PELO: variants seen among roughly 807,000 people sequenced by gnomAD.
The protein encoded by PELO is protein pelota homolog.
PELO carries 19 observed loss-of-function variants against 25.9 expected under a neutral mutation model. The ratio of observed to expected loss-of-function variants is 0.73; its 90% confidence interval spans 0.51 to 1.08. The LOEUF is 1.08. PELO is among the 50% of genes least tolerant of loss of function. PELO has a pLI of 0.00. For synonymous variants in PELO, 196 were observed against 192.2 expected (o/e 1.02, Z -0.16); for missense variants, 498 against 491.4 (o/e 1.01, Z -0.13).
chr5:52,799,981 C>T lies in PELO; in HGVS notation c.-414C>T. ...CACCTTCTTGAGGGAGTTCATTCGT[C>T]CGGAGCGCCTCACAGCTTAGTGCGC... is the stretch of plus-strand genomic sequence containing the variant. On this transcript the variant is annotated 5_prime_UTR_variant, in exon 2 of 3. Transcript: ENST00000274311. 1 of 236,740 alleles carries T rather than the reference C, an allele frequency of 4.2e-6. No individual in the cohort carries two copies. The highest frequency in any genetic ancestry group is 8.5e-6 in the Non-Finnish European group (1 of 117,758). 14.7% of individuals were successfully genotyped at this position (236,740 alleles called of 1,614,324 possible). A position where few individuals can be genotyped will look rare whatever the true frequency, so the allele number is the denominator to read the frequency against.
At position 52,800,237 on chromosome 5, in the gene PELO, C is replaced by T. The variant is rs978701089; in HGVS notation, c.-158C>T. On this transcript the variant is annotated 5_prime_UTR_variant, in exon 2 of 3. Transcript: ENST00000274311. Reference sequence around the variant, plus strand: ...ATAGAGGAAGTGCTGCCCTAGGCTGCATGAGTCGAAGCAAGCGTGTTTCCT... The same window carrying T: ...ATAGAGGAAGTGCTGCCCTAGGCTGTATGAGTCGAAGCAAGCGTGTTTCCT... 1 of 681,300 alleles carries T rather than the reference C, an allele frequency of 1.5e-6. No individual in the cohort carries two copies. Among genetic ancestry groups the T allele is most frequent in the Non-Finnish European group, 2.5e-6 (1 of 399,232 alleles). 42.2% of individuals were successfully genotyped at this position (681,300 alleles called of 1,614,324 possible). A position where few individuals can be genotyped will look rare whatever the true frequency, so the allele number is the denominator to read the frequency against.
At chr5:52,799,092 G>T (rs972366970) in intron 1 of PELO, among the ~76,000 whole-genome samples, 4 of 152,090 alleles carry the variant, frequency 2.6e-5, no homozygotes, top group Admixed American at 6.5e-5. Context: ...TCCACACAGA[G>T]AAAGACAGAA....
intron 1 of PELO, among the ~76,000 whole-genome samples, chr5:52,791,388 G>A (rs1748236000): frequency 6.6e-6 from 1 of 152,124 alleles, no homozygotes; most frequent in Non-Finnish European, 1.5e-5. Context: ...CTCTAGTTAT[G>A]GGAGGGTGGC....
At chr5:52,795,391 T>G (rs377378786) in intron 1 of PELO, among the ~76,000 whole-genome samples, 51 of 151,782 alleles carry the variant, frequency 3.4e-4, no homozygotes, top group South Asian at 1.0e-3. Flanking sequence ...ACAAGAAAAT[T>G]TATACAGCCC....
Position 52,788,221 on chromosome 5 carries a change from C to A in PELO, c.-704C>A. Reference sequence around the variant, plus strand: ...AAATCACTCCTCTCCCGCTCCTGGGCGCCGCTGCCACTGGGGCAGAGGACT... The same window carrying A: ...AAATCACTCCTCTCCCGCTCCTGGGAGCCGCTGCCACTGGGGCAGAGGACT... On this transcript the variant is annotated 5_prime_UTR_variant, in exon 1 of 3. Coordinates refer to ENST00000274311, the MANE Select transcript of PELO (RefSeq NM_015946.5). 1.7e-6 allele frequency: 1 copy of A among 573,298 alleles called. No individual in the cohort carries two copies. The highest frequency in any genetic ancestry group is 3.5e-5 in the East Asian group (1 of 28,488). 35.5% of individuals were successfully genotyped at this position (573,298 alleles called of 1,614,324 possible). A position where few individuals can be genotyped will look rare whatever the true frequency, so the allele number is the denominator to read the frequency against.
At chr5:52,801,347 T>A in intron 2 of PELO, 62 bp from the exon 3 acceptor site, 1 of 1,409,074 alleles carries the variant, frequency 7.1e-7, no homozygotes, top group Non-Finnish European at 9.8e-7. Flanking sequence ...TAAGCCTTTG[T>A]GAGCTGATTA....
rs142065540 is a variant in PELO, at chr5:52,803,144, G to A, written c.*1304G>A. The A allele has an allele frequency of 6.4e-4, 97 of 152,102 alleles. No individual in the cohort carries two copies. The highest frequency in any genetic ancestry group is 2.3e-3 in the African/African-American group (94 of 41,480). 9.4% of individuals were successfully genotyped at this position (152,102 alleles called of 1,614,324 possible). ...TTCGCCGGTCTTTCCTGTGTCTGTGGGCCTTCCTCCTGGTGTGACAGACTT... is the reference window on the plus strand; with the variant it reads ...TTCGCCGGTCTTTCCTGTGTCTGTGAGCCTTCCTCCTGGTGTGACAGACTT... On this transcript the variant is annotated 3_prime_UTR_variant, in exon 3 of 3. Transcript: ENST00000274311.
chr5:52,791,157 G>A (rs573602657), intron 1 of PELO, among the ~76,000 whole-genome samples: 6 of 152,288 alleles, frequency 3.9e-5, no homozygotes, highest in Admixed American at 6.5e-5. Flanking sequence ...GTTATTTTAT[G>A]TATGTCAAAG....
Position 52,800,012 on chromosome 5 carries a change from C to G in PELO, c.-383C>G, listed in dbSNP as rs1169789042. 2 of 279,062 alleles carry G rather than the reference C, an allele frequency of 7.2e-6. No homozygotes were observed. The highest frequency in any genetic ancestry group is 4.5e-5 in the African/African-American group (2 of 44,792). 17.3% of individuals were successfully genotyped at this position (279,062 alleles called of 1,614,324 possible). A position where few individuals can be genotyped will look rare whatever the true frequency, so the allele number is the denominator to read the frequency against. ...CGCCTCACAGCTTAGTGCGCCTGCG[C>G]ACGCGCGAACTGCGGCCCCGCCTCT... On this transcript the variant is annotated 5_prime_UTR_variant, in exon 2 of 3. Transcript: ENST00000274311.
rs554896969 is a variant in PELO at position 52,801,083 on chromosome 5, A to G, written c.689A>G (p.Asn230Ser). ...YLFQQAVKTD[N>S]KLLLENRSKF... is the part of the protein sequence containing the mutation. Reference sequence around the variant, plus strand: ...TTTCAACAAGCAGTGAAGACCGACAACAAACTGCTCCTGGAAAACCGGTCC... The same window carrying G: ...TTTCAACAAGCAGTGAAGACCGACAGCAAACTGCTCCTGGAAAACCGGTCC... Residue 230 changes from asparagine (N) to serine (S), a missense_variant, in exon 2 of 3, where the codon AAC becomes AGC. Physicochemically the swap from Asn to Ser is conservative, Grantham distance 46 (BLOSUM62 1). Transcript: ENST00000274311. 3.1e-6 allele frequency: 5 copies of G among 1,610,294 alleles called. No homozygotes were observed. The South Asian group carries it at 4.4e-5, about 14-fold the overall frequency.
chr5:52,795,140 T>C (rs1444186266), intron 1 of PELO, among the ~76,000 whole-genome samples: 1 of 151,850 alleles, frequency 6.6e-6, no homozygotes, highest in Non-Finnish European at 1.5e-5. Flanking sequence ...TAAAGAAAAA[T>C]TAATAACCAT....
Position 52,800,107 on chromosome 5 carries a change from C to A in PELO, c.-288C>A, listed in dbSNP as rs377327360. The A allele has an allele frequency of 2.6e-5, 10 of 384,880 alleles. No homozygotes were observed. The highest frequency in any genetic ancestry group is 1.9e-4 in the African/African-American group (9 of 48,024). The allele number at this position is 384,880 out of a possible 1,614,324, so 23.8% of individuals were successfully genotyped here. A position where few individuals can be genotyped will look rare whatever the true frequency, so the allele number is the denominator to read the frequency against. On this transcript the variant is annotated 5_prime_UTR_variant, in exon 2 of 3. Transcript: ENST00000274311. ...GCGCATGCGCCTTCATTTCGTCAGC[C>A]CGCTGTTGCGTGCTGCCAGCGGGAA...
In PELO at chr5:52,802,231, TTTACA is replaced by T. The variant is rs1748504213; in HGVS notation, c.*395_*399del. On this transcript the variant is annotated 3_prime_UTR_variant, in exon 3 of 3. Coordinates refer to ENST00000274311, the MANE Select transcript of PELO (RefSeq NM_015946.5). The stretch of plus-strand genomic sequence containing the variant: ...AAAAAGCTTTTGCTATCTTATCCTG[TTTACA>T]TTATTTCTTTATTTTAATTCTGCTT... 6.3e-6 allele frequency: 1 copy of T among 158,692 alleles called. No homozygotes were observed. The highest frequency in any genetic ancestry group is 1.4e-5 in the Non-Finnish European group (1 of 72,140). The allele number at this position is 158,692 out of a possible 1,614,324, so 9.8% of individuals were successfully genotyped here. A position where few individuals can be genotyped will look rare whatever the true frequency, so the allele number is the denominator to read the frequency against.
intron 1 of PELO, among the ~76,000 whole-genome samples, chr5:52,798,045 C>G (rs1281544530): frequency 6.6e-6 from 1 of 152,212 alleles, no homozygotes; most frequent in African/African-American, 2.4e-5. Flanking sequence ...CTTTCTCTCT[C>G]ACAAATACAC....
chr5:52,788,804 A>G (rs1471629748), intron 1 of PELO, among the ~76,000 whole-genome samples: 1 of 152,138 alleles, frequency 6.6e-6, no homozygotes, highest in Non-Finnish European at 1.5e-5. Flanking sequence ...CGCCTGATAC[A>G]TATGCAAAAT....
rs1333372680 is a variant in PELO, at chr5:52,803,340, T to G, written c.*1500T>G. On this transcript the variant is annotated 3_prime_UTR_variant, in exon 3 of 3. Transcript: ENST00000274311. ...TATAATTCCGTGAGTATCTTTAAAT[T>G]ACTATCAAATATGTTACTAAATAAT... The G allele has an allele frequency of 1.3e-5, 2 of 152,218 alleles. No homozygotes were observed. Among genetic ancestry groups the G allele is most frequent in the African/African-American group, 2.4e-5 (1 of 41,448 alleles). The allele number at this position is 152,218 out of a possible 1,614,324, so 9.4% of individuals were successfully genotyped here.
At chr5:52,791,083 A>C (rs555016223) in intron 1 of PELO, among the ~76,000 whole-genome samples, 1 of 152,332 alleles carries the variant, frequency 6.6e-6, no homozygotes, top group South Asian at 2.1e-4. Context: ...ACTGTCTTAT[A>C]TTAGCTCCTT....
rs1160223631 is a variant in PELO at position 52,800,273 on chromosome 5, CAAGTGCCCTTAG to C, written c.-119_-108del. On this transcript the variant is annotated 5_prime_UTR_variant, in exon 2 of 3. An upstream open reading frame in the 5' UTR loses its in-frame stop. Coordinates refer to ENST00000274311, the MANE Select transcript of PELO (RefSeq NM_015946.5). ...GCAAGCGTGTTTCCTTCCCGCCAGG[CAAGTGCCCTTAG>C]AAACCGGGCCCCGCCCCCTTCCTGG... 1.0e-6 allele frequency: 1 copy of C among 986,902 alleles called. No individual in the cohort carries two copies. The highest frequency in any genetic ancestry group is 1.5e-6 in the Non-Finnish European group (1 of 653,394). 61.1% of individuals were successfully genotyped at this position (986,902 alleles called of 1,614,324 possible).
intron 1 of PELO, among the ~76,000 whole-genome samples, chr5:52,798,435 G>C (rs1748389127): frequency 6.6e-6 from 1 of 152,128 alleles, no homozygotes; most frequent in Non-Finnish European, 1.5e-5. Context: ...AAATTGTGAA[G>C]CCTGTCAGTT....
Sources: gnomAD v4.1 joint callset for allele counts (sites outside exome capture counted in the v4.1 genomes callset) on GRCh38, gnomAD v4.1.1 for gene constraint, MANE v1.5 for transcripts, NCBI Gene and HGNC (gene_info 2026-07-23, HGNC 2026-07-21) for gene names.